The following KLHL30 variants were observed in gnomAD, a reference collection of about 807,000 sequenced individuals.
KLHL30 encodes the protein kelch like family member 30.
KLHL30 carries 55 observed loss-of-function variants against 55.0 expected under a neutral mutation model. The observed-to-expected ratio is 1.00, with a 90% CI of 0.80 to 1.25. The LOEUF is 1.25. Among genes scored for constraint, KLHL30 ranks in the 50% most tolerant of loss-of-function variants. KLHL30 has a pLI of 0.00. For synonymous variants in KLHL30, 356 were observed against 372.6 expected, an observed-to-expected ratio of 0.96 and a Z score of 0.51; for missense variants, 786 against 811.6, an observed-to-expected ratio of 0.97 and a Z score of 0.38.
In KLHL30 at chr2:238,148,002, A is replaced by G; in HGVS notation, c.1319A>G (p.Gln440Arg). 3.3e-6 allele frequency: 5 copies of G among 1,515,860 alleles called. No homozygotes were observed. Among genetic ancestry groups the G allele is most frequent in the Non-Finnish European group, 4.4e-6 (5 of 1,128,620 alleles). The allele number at this position is 1,515,860 out of a possible 1,614,324, so 93.9% of individuals were successfully genotyped here. A position where few individuals can be genotyped will look rare whatever the true frequency, so the allele number is the denominator to read the frequency against. Reference sequence around the variant, plus strand: ...TGCAAGTACAACGCCCTGGCCCTGCAGTGCTACAACCCTGTCACAGGTGGG... The same window carrying G: ...TGCAAGTACAACGCCCTGGCCCTGCGGTGCTACAACCCTGTCACAGGTGGG... ...SACKYNALAL[Q>R]CYNPVTDAWS... The change falls in exon 6 of 8, where the codon CAG (glutamine) becomes CGG (arginine). Residue 440 changes from glutamine (Q) to arginine (R), a missense_variant. By Grantham distance (43) the Gln-to-Arg change is conservative. Coordinates refer to ENST00000409223, the MANE Select transcript of KLHL30 (RefSeq NM_198582.4).
chr2:238,140,114 A>C (rs1692505371), intron 1 of KLHL30, among the ~76,000 whole-genome samples: 1 of 152,216 alleles, frequency 6.6e-6, no homozygotes, highest in Admixed American at 6.5e-5. Flanking sequence ...CAAGTGACTG[A>C]AACCTTCTGT....
intron 3 of KLHL30, among the ~76,000 whole-genome samples, chr2:238,144,432 A>AGGCAGGCAGGCAGGC (rs1692607584): frequency 1.5e-4 from 12 of 82,442 alleles, no homozygotes; most frequent in Admixed American, 3.7e-4. Context: ...GGAAGGAAGG[A>AGGCAGGCAGGCAGGC]AGGCAGGCAG....
In KLHL30 at chr2:238,143,013, C is replaced by A. The variant is rs1035760335; in HGVS notation, c.907+82C>A. ...CGCTGTGTCCTCCTTGCAGGTGGAG[C>A]GCATGAGGCTCGCAGAGGACCGGGA... On this transcript the variant is annotated intron_variant, in intron 3 of 7. Transcript: ENST00000409223. 14 of 1,404,766 alleles carry A rather than the reference C, an allele frequency of 1.0e-5. No individual in the cohort carries two copies. In the South Asian group the frequency reaches 1.9e-4, roughly 19 times the overall value. The allele number at this position is 1,404,766 out of a possible 1,614,324, so 87.0% of individuals were successfully genotyped here. A position where few individuals can be genotyped will look rare whatever the true frequency, so the allele number is the denominator to read the frequency against.
In KLHL30 at chr2:238,143,549, G is replaced by A. The variant is rs1295156212; in HGVS notation, c.907+618G>A. 1.3e-5 allele frequency among the ~76,000 whole-genome samples: 2 copies of A among 152,256 alleles called. 1 individual carries two copies. The highest frequency in any genetic ancestry group is 4.8e-5 in the African/African-American group (2 of 41,482). On this transcript the variant is annotated intron_variant, in intron 3 of 7. Coordinates refer to ENST00000409223, the MANE Select transcript of KLHL30 (RefSeq NM_198582.4). ...TTTGGCGGGAAAGGAGGCATGAGGGGCCCCGCAGCGGCTCTGGAGGCCCCC... is the reference window on the plus strand; with the variant it reads ...TTTGGCGGGAAAGGAGGCATGAGGGACCCCGCAGCGGCTCTGGAGGCCCCC...
rs1692679088 is a variant in KLHL30 at position 238,147,998 on chromosome 2, C to T, written c.1315C>T (p.Leu439=). The change falls in exon 6 of 8, where the codon CTG becomes TTG. Residue 439 remains leucine, a synonymous_variant. Transcript: ENST00000409223. The surrounding 1 kb of genome is among the most constrained non-coding windows in gnomAD (Gnocchi z 5.8). Reference sequence around the variant, plus strand: ...CGCCTGCAAGTACAACGCCCTGGCCCTGCAGTGCTACAACCCTGTCACAGG... The same window carrying T: ...CGCCTGCAAGTACAACGCCCTGGCCTTGCAGTGCTACAACCCTGTCACAGG... The part of the protein sequence containing the change: ...SSACKYNALA[L]QCYNPVTDAW... The T allele has an allele frequency of 5.3e-6, 8 of 1,520,786 alleles. No homozygotes were observed. Among genetic ancestry groups the T allele is most frequent in the Non-Finnish European group, 7.1e-6 (8 of 1,131,550 alleles). 94.2% of individuals were successfully genotyped at this position (1,520,786 alleles called of 1,614,324 possible).
chr2:238,143,579 C>T (rs1244511979), intron 3 of KLHL30, among the ~76,000 whole-genome samples: 1 of 152,256 alleles, frequency 6.6e-6, no homozygotes, highest in Admixed American at 6.5e-5. Flanking sequence ...GCCCCCTGCG[C>T]TGGCCCCAAG....
rs1276912661 is a variant in KLHL30 at position 238,142,927 on chromosome 2, G to A, written c.903G>A (p.Lys301=). ...GGAACTTTGCCTTCTACAACAGCAA[G>A]GCCAGTGAGTACCCCTCCCGCGTCC... ...GLGNFAFYNS[K]AKRWMALPDF... is the part of the protein sequence containing the mutation. The change falls in exon 3 of 8, where the codon AAG becomes AAA. Residue 301 remains lysine, a synonymous_variant. Transcript: ENST00000409223. 1 of 1,507,534 alleles carries A rather than the reference G, an allele frequency of 6.6e-7. No homozygotes were observed. Among genetic ancestry groups the A allele is most frequent in the Non-Finnish European group, 8.8e-7 (1 of 1,141,330 alleles). The allele number at this position is 1,507,534 out of a possible 1,614,324, so 93.4% of individuals were successfully genotyped here. A position where few individuals can be genotyped will look rare whatever the true frequency, so the allele number is the denominator to read the frequency against.
At chr2:238,139,506 G>A (rs1414670486) in intron 1 of KLHL30, among the ~76,000 whole-genome samples, 1 of 152,112 alleles carries the variant, frequency 6.6e-6, no homozygotes, top group Non-Finnish European at 1.5e-5. Flanking sequence ...GGGTTGGTCC[G>A]CGAGGCCCTG....
In KLHL30 at chr2:238,140,796, G is replaced by A. The variant is rs374999323; in HGVS notation, c.42G>A (p.Ser14=). 1.4e-5 allele frequency: 22 copies of A among 1,582,406 alleles called. No homozygotes were observed. The highest frequency in any genetic ancestry group is 4.5e-5 in the East Asian group (2 of 43,994). ...ATGACCTGGATTTCCACCTGCCCTC[G>A]CATGCCCAGGACATGCTGGATGGCC... The part of the protein sequence containing the change: ...NVDDLDFHLP[S]HAQDMLDGLQ... The change falls in exon 2 of 8, where the codon TCG becomes TCA. Residue 14 remains serine (S), a synonymous_variant. Coordinates refer to ENST00000409223, the MANE Select transcript of KLHL30 (RefSeq NM_198582.4).
chr2:238,142,012 C>T (rs1024607455), intron 2 of KLHL30, among the ~76,000 whole-genome samples: 1 of 152,188 alleles, frequency 6.6e-6, no homozygotes, highest in Non-Finnish European at 1.5e-5. Flanking sequence ...CAAGGAGGCA[C>T]AGACAGGCCT....
Position 238,145,663 on chromosome 2 carries a change from A to G in KLHL30, c.995-14A>G. ...GGCTGGTGGCACCCATGTAGACAGA[A>G]CTTCTCCCGGCAGGTGGCTCTCGGG... On this transcript the variant is annotated splice_polypyrimidine_tract_variant and intron_variant, in intron 4 of 7. Coordinates refer to ENST00000409223, the MANE Select transcript of KLHL30 (RefSeq NM_198582.4). 1.3e-6 allele frequency: 2 copies of G among 1,567,614 alleles called. No individual in the cohort carries two copies. The highest frequency in any genetic ancestry group is 8.6e-7 in the Non-Finnish European group (1 of 1,158,384).
chr2:238,145,835 G>A lies in KLHL30; in HGVS notation c.1150+3G>A. On this transcript the variant is annotated splice_donor_region_variant and intron_variant, in intron 5 of 7. Transcript: ENST00000409223. ...TGGGGAGATCTACGTTATCGGCGGT[G>A]AGGCCTTCCTCTCCACCCTTCCCTG... 1 of 1,592,666 alleles carries A rather than the reference G, an allele frequency of 6.3e-7. No homozygotes were observed. Among genetic ancestry groups the A allele is most frequent in the Non-Finnish European group, 8.6e-7 (1 of 1,168,434 alleles).
Position 238,152,289 on chromosome 2 carries a change from C to A in KLHL30, c.*1224C>A. 1 of 909,580 alleles carries A rather than the reference C, an allele frequency of 1.1e-6. No individual in the cohort carries two copies. Among genetic ancestry groups the A allele is most frequent in the Non-Finnish European group, 1.3e-6 (1 of 761,706 alleles). 56.3% of individuals were successfully genotyped at this position (909,580 alleles called of 1,614,324 possible). A position where few individuals can be genotyped will look rare whatever the true frequency, so the allele number is the denominator to read the frequency against. On this transcript the variant is annotated 3_prime_UTR_variant, in exon 8 of 8. Transcript: ENST00000409223. The stretch of plus-strand genomic sequence containing the variant: ...CTCTGACATCCTTGGGTTCTGAGGA[C>A]GGAAACCCCTGAGCCTCTTGAGCTT...
chr2:238,150,726 C>T, intron 7 of KLHL30, 88 bp from the exon 8 acceptor site: 2 of 1,450,196 alleles, frequency 1.4e-6, no homozygotes, highest in Non-Finnish European at 1.9e-6. Flanking sequence ...GCTGTCCTCT[C>T]TGCCACTCCC....
intron 1 of KLHL30, among the ~76,000 whole-genome samples, chr2:238,139,821 GTGC>G: frequency 6.6e-6 from 1 of 152,364 alleles, no homozygotes; most frequent in South Asian, 2.1e-4. Flanking sequence ...TCGAAGGCTT[GTGC>G]ACAGACTTGA....
rs73999840 is a variant in KLHL30 at position 238,140,779 on chromosome 2, G to A, written c.25G>A (p.Asp9Asn). 6.4e-7 allele frequency: 1 copy of A among 1,557,778 alleles called. No individual in the cohort carries two copies. Among genetic ancestry groups the A allele is most frequent in the African/African-American group, 1.4e-5 (1 of 73,944 alleles). Reference protein sequence around the residue: MVRNVDDLDFHLPSHAQDM... With the variant: MVRNVDDLNFHLPSHAQDM... ...CATGGTGCGGAACGTGGATGACCTG[G>A]ATTTCCACCTGCCCTCGCATGCCCA... The change falls in exon 2 of 8, where the codon GAT (aspartate) becomes AAT (asparagine). Residue 9 changes from aspartate (D) to asparagine (N), a missense_variant. Asp to Asn is a conservative substitution (Grantham distance 23). Transcript: ENST00000409223.
At chr2:238,141,575 A>T in intron 2 of KLHL30, 47 bp downstream of exon 2, 3 of 1,428,124 alleles carry the variant, frequency 2.1e-6, no homozygotes, top group Non-Finnish European at 2.7e-6. Flanking sequence ...CAGGGAGGAG[A>T]GCCCCAGAGA....
intron 5 of KLHL30, 27 bp downstream of exon 5, chr2:238,145,859 T>C: frequency 1.3e-6 from 2 of 1,567,622 alleles, no homozygotes; most frequent in Non-Finnish European, 1.7e-6. Context: ...CACCCTTCCC[T>C]GGGGCCTGGT....
chr2:238,148,142 G>C (rs1310092650), intron 6 of KLHL30, 120 bp downstream of exon 6: 5 of 1,030,792 alleles, frequency 4.9e-6, no homozygotes, highest in East Asian at 3.2e-5. Context: ...GGGGTGGAGA[G>C]AGCCGGCGGC....
Sources: allele counts gnomAD v4.1 joint callset (sites outside exome capture counted in the v4.1 genomes callset), GRCh38; gene constraint gnomAD v4.1.1; non-coding constraint Gnocchi (gnomAD v3.1); transcripts MANE v1.5; gene names NCBI Gene and HGNC (gene_info 2026-07-23, HGNC 2026-07-21).